TRIM26: variants seen among roughly 807,000 people sequenced by gnomAD.
TRIM26 encodes tripartite motif-containing protein 26.
Under a neutral mutation model 45.5 loss-of-function variants are expected in TRIM26, and 16 were observed. That is an observed-to-expected ratio of 0.35 (90% CI 0.24 to 0.53). The LOEUF (loss-of-function observed/expected upper bound fraction) is 0.53, where lower values mean the gene tolerates loss of function less well. TRIM26 is among the 20% of genes least tolerant of loss of function. TRIM26 has a pLI of 0.92. For missense variants in TRIM26, 442 were observed against 691.1 expected, an observed-to-expected ratio of 0.64 and a Z score of 4.04; for synonymous variants, 273 against 290.4, an observed-to-expected ratio of 0.94 and a Z score of 0.61.
intron 1 of TRIM26, among the ~76,000 whole-genome samples, chr6:30,210,556 A>AC (rs1778183642): frequency 6.6e-6 from 1 of 151,838 alleles, no homozygotes; most frequent in Non-Finnish European, 1.5e-5. Context: ...ATACAGTAGC[A>AC]CCCCCCATCC....
At chr6:30,188,849 T>C (rs1775496792) in intron 9 of TRIM26, among the ~76,000 whole-genome samples, 1 of 152,038 alleles carries the variant, frequency 6.6e-6, no homozygotes. Context: ...GCTCTGAATA[T>C]AGGAGCCATG....
At position 30,198,888 on chromosome 6, in the gene TRIM26, G is replaced by A. The variant is rs1023034867; in HGVS notation, c.216C>T (p.Ala72=). ...KENIRPVWQL[A]SLVENIERLK... ...GCCGCTCAATGTTCTCCACCAGGCTGGCCAGTTGCCACACGGGTCGGATGT... is the reference window on the plus strand; with the variant it reads ...GCCGCTCAATGTTCTCCACCAGGCTAGCCAGTTGCCACACGGGTCGGATGT... The change falls in exon 4 of 10, where the codon GCC becomes GCT. Residue 72 remains alanine (A), a synonymous_variant. Transcript: ENST00000454678. The surrounding 1 kb of genome is among the most constrained non-coding windows in gnomAD (Gnocchi z 6.3). The A allele has an allele frequency of 6.2e-7, 1 of 1,612,864 alleles. No homozygotes were observed. The highest frequency in any genetic ancestry group is 1.3e-5 in the African/African-American group (1 of 74,984).
chr6:30,187,813 G>A (rs1775347782), intron 9 of TRIM26, among the ~76,000 whole-genome samples: 1 of 150,934 alleles, frequency 6.6e-6, no homozygotes, highest in Non-Finnish European at 1.5e-5. Context: ...AGCTACTTAG[G>A]AGGCTGAGGC....
chr6:30,199,227 G>C lies in TRIM26; in HGVS notation c.-124C>G. The C allele has an allele frequency of 1.2e-6, 1 of 863,900 alleles. No individual in the cohort carries two copies. Among genetic ancestry groups the C allele is most frequent in the East Asian group, 2.7e-5 (1 of 36,792 alleles). The allele number at this position is 863,900 out of a possible 1,614,324, so 53.5% of individuals were successfully genotyped here. On this transcript the variant is annotated 5_prime_UTR_variant, in exon 4 of 10. Coordinates refer to ENST00000454678, the MANE Select transcript of TRIM26 (RefSeq NM_003449.5). Reference sequence around the variant, plus strand: ...GGTGGCAGCCTGCACAGGGCTGCCAGCTCCAGCACTCAGTCAATCGACAGA... The same window carrying C: ...GGTGGCAGCCTGCACAGGGCTGCCACCTCCAGCACTCAGTCAATCGACAGA...
At position 30,207,777 on chromosome 6, in the gene TRIM26, T is replaced by C. The variant is rs376787679; in HGVS notation, c.-375-3012A>G. On this transcript the variant is annotated intron_variant, in intron 1 of 9. Coordinates refer to ENST00000454678, the MANE Select transcript of TRIM26 (RefSeq NM_003449.5). This position sits in a 1 kb window ranked among gnomAD's most constrained non-coding sequence, Gnocchi z 4.9. ...CTCCATGCCTCAAAGTGCTATGCTC[T>C]TTCCTGGCTAAGCCCTTCGACAATG... Among the ~76,000 whole-genome samples the C allele has an allele frequency of 3.1e-4, 47 of 152,328 alleles. 5 individuals carry two copies. Among genetic ancestry groups the C allele is most frequent in the East Asian group, 2.9e-3 (15 of 5,184 alleles).
intron 2 of TRIM26, 73 bp downstream of exon 2, chr6:30,204,583 C>T (rs1777527919): frequency 6.6e-6 from 1 of 152,090 alleles, no homozygotes; most frequent in Admixed American, 6.5e-5. Flanking sequence ...AATAACCGCT[C>T]CCCTTCCCCA....
Position 30,204,684 on chromosome 6 carries a change from T to C in TRIM26, c.-294A>G, listed in dbSNP as rs1777543602. 1 of 152,204 alleles carries C rather than the reference T, an allele frequency of 6.6e-6. No individual in the cohort carries two copies. The highest frequency in any genetic ancestry group is 1.5e-5 in the Non-Finnish European group (1 of 68,054). The allele number at this position is 152,204 out of a possible 1,614,324, so 9.4% of individuals were successfully genotyped here. A position where few individuals can be genotyped will look rare whatever the true frequency, so the allele number is the denominator to read the frequency against. On this transcript the variant is annotated 5_prime_UTR_variant, in exon 2 of 10. Coordinates refer to ENST00000454678, the MANE Select transcript of TRIM26 (RefSeq NM_003449.5). ...ACCCTGCTATGGTTCTGCCCTTTTA[T>C]GCCGTCAGTATATTCTCTGTGATCT...
At chr6:30,191,751 C>CA (rs1359300948) in intron 6 of TRIM26, among the ~76,000 whole-genome samples, 2 of 152,200 alleles carry the variant, frequency 1.3e-5, no homozygotes, top group African/African-American at 4.8e-5. Context: ...AGCAAGTGCC[C>CA]AGAGACTGGT....
chr6:30,189,033 C>T lies in TRIM26; in HGVS notation c.937+134G>A, dbSNP rs940772005. ...TAGAAAGTGCAAAGAGGGAGGGGGG[C>T]TTCTATTGTGCAGCTGGGAAATTCT... On this transcript the variant is annotated intron_variant, in intron 9 of 9. Coordinates refer to ENST00000454678, the MANE Select transcript of TRIM26 (RefSeq NM_003449.5). The surrounding 1 kb of genome is among the most constrained non-coding windows in gnomAD (Gnocchi z 5.0). 6.4e-6 allele frequency: 6 copies of T among 933,184 alleles called. No homozygotes were observed. The highest frequency in any genetic ancestry group is 4.8e-5 in the South Asian group (3 of 62,512). The allele number at this position is 933,184 out of a possible 1,614,324, so 57.8% of individuals were successfully genotyped here.
At chr6:30,188,302 GT>G in intron 9 of TRIM26, 1 of 464,190 alleles carries the variant, frequency 2.2e-6, no homozygotes, top group Non-Finnish European at 3.5e-6. Flanking sequence ...ATCATCTGTT[GT>G]AACACAAGCA....
At position 30,186,940 on chromosome 6, in the gene TRIM26, C is replaced by T. The variant is rs542798583; in HGVS notation, c.938-382G>A. On this transcript the variant is annotated intron_variant, in intron 9 of 9. Coordinates refer to ENST00000454678, the MANE Select transcript of TRIM26 (RefSeq NM_003449.5). This position sits in a 1 kb window ranked among gnomAD's most constrained non-coding sequence, Gnocchi z 7.4. ...AAATCTGTTCCATTTTCTTCATAAT[C>T]CAGAAAAAAAGTCCTCTTTTTCAAG... 1.9e-6 allele frequency: 1 copy of T among 533,738 alleles called. No individual in the cohort carries two copies. The highest frequency in any genetic ancestry group is 3.1e-5 in the Admixed American group (1 of 31,914). 33.1% of individuals were successfully genotyped at this position (533,738 alleles called of 1,614,324 possible).
chr6:30,208,592 A>G (rs1298541798), intron 1 of TRIM26, among the ~76,000 whole-genome samples: 1 of 143,794 alleles, frequency 7.0e-6, no homozygotes, highest in Non-Finnish European at 1.5e-5. Flanking sequence ...TGTGATTATG[A>G]GCTGATTTTA....
chr6:30,198,404 G>A lies in TRIM26; in HGVS notation c.534+25C>T, dbSNP rs140480291. 8 of 1,612,554 alleles carry A rather than the reference G, an allele frequency of 5.0e-6. No homozygotes were observed. The highest frequency in any genetic ancestry group is 4.0e-5 in the African/African-American group (3 of 75,042). Reference sequence around the variant, plus strand: ...GCCCTACACGGGCGCACCGCCTCAGGGCTTCCTGAAACAGCCTCACTTACC... The same window carrying A: ...GCCCTACACGGGCGCACCGCCTCAGAGCTTCCTGAAACAGCCTCACTTACC... On this transcript the variant is annotated intron_variant, in intron 5 of 9. Coordinates refer to ENST00000454678, the MANE Select transcript of TRIM26 (RefSeq NM_003449.5). The surrounding 1 kb of genome is among the most constrained non-coding windows in gnomAD (Gnocchi z 6.3).
At chr6:30,192,412 C>T (rs1201245649) in intron 6 of TRIM26, among the ~76,000 whole-genome samples, 1 of 152,186 alleles carries the variant, frequency 6.6e-6, no homozygotes, top group African/African-American at 2.4e-5. Flanking sequence ...CTCCTGTCAC[C>T]CCAATCCCTT....
intron 9 of TRIM26, among the ~76,000 whole-genome samples, chr6:30,188,774 GA>G (rs1451406850): frequency 2.6e-5 from 4 of 152,146 alleles, no homozygotes; most frequent in Non-Finnish European, 5.9e-5. Flanking sequence ...GCAGGGCTGA[GA>G]GGGGGCACAA....
rs941992283 is a variant in TRIM26, at chr6:30,209,780, C to A, written c.-376+3525G>T. 6.0e-5 allele frequency among the ~76,000 whole-genome samples: 9 copies of A among 150,052 alleles called. No homozygotes were observed. Among genetic ancestry groups the A allele is most frequent in the Non-Finnish European group, 8.9e-5 (6 of 67,394 alleles). ...TGTGGGAGGCTGAGGCAGGAGGATC[C>A]CTTGAATCCAGGGGTTCAAGACTAG... On this transcript the variant is annotated intron_variant, in intron 1 of 9. Coordinates refer to ENST00000454678, the MANE Select transcript of TRIM26 (RefSeq NM_003449.5). This position sits in a 1 kb window ranked among gnomAD's most constrained non-coding sequence, Gnocchi z 4.8.
In TRIM26 at chr6:30,207,602, A is replaced by G. The variant is rs183562383; in HGVS notation, c.-375-2837T>C. On this transcript the variant is annotated intron_variant, in intron 1 of 9. Transcript: ENST00000454678. This position sits in a 1 kb window ranked among gnomAD's most constrained non-coding sequence, Gnocchi z 4.9. ...AATGGCTTTCTGGTGCTCCAGGAAT[A>G]AAGTCAAAACTCCTGTCCTTCCTTT... Among the ~76,000 whole-genome samples, 232 of 152,226 alleles carry G rather than the reference A, an allele frequency of 1.5e-3. 3 individuals are homozygous for G. The highest frequency in any genetic ancestry group is 0.01 in the Middle Eastern group (3 of 294).
chr6:30,189,642 TA>T lies in TRIM26; in HGVS notation c.789-110del, dbSNP rs1775606902. The T allele has an allele frequency of 1.0e-6, 1 of 973,078 alleles. No homozygotes were observed. Among genetic ancestry groups the T allele is most frequent in the African/African-American group, 1.6e-5 (1 of 62,292 alleles). The allele number at this position is 973,078 out of a possible 1,614,324, so 60.3% of individuals were successfully genotyped here. On this transcript the variant is annotated intron_variant, in intron 7 of 9. Coordinates refer to ENST00000454678, the MANE Select transcript of TRIM26 (RefSeq NM_003449.5). The surrounding 1 kb of genome is among the most constrained non-coding windows in gnomAD (Gnocchi z 5.0). ...ATGAAGGGGAGAGGAAAGGTATGAT[TA>T]TCCCCAAACAAGTGACAGAAAAACA...
At chr6:30,193,118 GTA>G (rs879935271) in intron 6 of TRIM26, among the ~76,000 whole-genome samples, 41 of 78,152 alleles carry the variant, frequency 5.2e-4, no homozygotes, top group Non-Finnish European at 9.2e-4. Context: ...ATATATATGT[GTA>G]TATATATATA....
Sources: allele counts gnomAD v4.1 joint callset (sites outside exome capture counted in the v4.1 genomes callset), GRCh38; gene constraint gnomAD v4.1.1; non-coding constraint Gnocchi (gnomAD v3.1); transcripts MANE v1.5; gene names NCBI Gene and HGNC (gene_info 2026-07-23, HGNC 2026-07-21).